The following KALRN variants were observed in gnomAD, a reference collection of about 807,000 sequenced individuals.
The protein encoded by KALRN is kalirin RhoGEF kinase, also known as kalirin.
Under a neutral mutation model 353.7 loss-of-function variants are expected in KALRN, and 70 were observed. The observed-to-expected ratio is 0.20, with a 90% CI of 0.16 to 0.24. KALRN has a LOEUF of 0.24. KALRN is among the 10% of genes least tolerant of loss of function. The probability of loss-of-function intolerance (pLI) is 1.00; values close to 1 mark genes in which losing one functional copy is unlikely to be tolerated. For synonymous variants in KALRN, 1,391 were observed against 1,434.8 expected (o/e 0.97, Z 0.69); for missense variants, 2,791 against 3,756.7 (o/e 0.74, Z 6.72).
chr3:124,717,181 C>T, intron 58 of KALRN, 66 bp from the exon 59 acceptor site: 1 of 1,441,038 alleles, frequency 6.9e-7, no homozygotes, highest in Non-Finnish European at 9.4e-7. Context: ...CTGATTTGTA[C>T]ATGTGTTATT....
At chr3:124,637,071 C>G in intron 36 of KALRN, 137 bp from the exon 37 acceptor site, 1 of 705,322 alleles carries the variant, frequency 1.4e-6, no homozygotes, top group South Asian at 1.6e-5. Flanking sequence ...TCTTCTCCCT[C>G]TGTCACCTCT....
At chr3:124,273,576 GCCATA>G (rs1418535012) in intron 5 of KALRN, among the ~76,000 whole-genome samples, 1 of 152,280 alleles carries the variant, frequency 6.6e-6, no homozygotes, top group African/African-American at 2.4e-5. Context: ...AATAGACATA[GCCATA>G]CCTCCAAAAG....
intron 37 of KALRN, among the ~76,000 whole-genome samples, chr3:124,643,490 C>T (rs1408537930): frequency 2.6e-5 from 4 of 152,162 alleles, no homozygotes; most frequent in Admixed American, 6.5e-5. Flanking sequence ...TGTTGTTGTT[C>T]GGTTTTTTTG....
At chr3:124,515,003 T>C (rs983230090) in intron 33 of KALRN, among the ~76,000 whole-genome samples, 2 of 152,226 alleles carry the variant, frequency 1.3e-5, no homozygotes, top group South Asian at 2.1e-4. Flanking sequence ...CCTGCCTCCA[T>C]GGTTTTCTAA....
chr3:124,540,071 G>A (rs1199324448), intron 33 of KALRN, among the ~76,000 whole-genome samples: 2 of 151,868 alleles, frequency 1.3e-5, no homozygotes, highest in Non-Finnish European at 2.9e-5. Flanking sequence ...CACCACACCC[G>A]GCTAATTTTT....
chr3:124,202,910 C>T (rs1230368397), intron 1 of KALRN, among the ~76,000 whole-genome samples: 1 of 152,164 alleles, frequency 6.6e-6, no homozygotes, highest in Non-Finnish European at 1.5e-5. Context: ...CTGTCTGCAT[C>T]TCATTTGCAG....
chr3:124,567,832 G>A (rs142190607), intron 34 of KALRN, among the ~76,000 whole-genome samples: 107 of 152,192 alleles, frequency 7.0e-4, no homozygotes, highest in Middle Eastern at 3.4e-3. Flanking sequence ...AAAATTAGCC[G>A]GGCATAGTGG....
At chr3:124,470,619 A>C (rs1337969542) in intron 25 of KALRN, among the ~76,000 whole-genome samples, 1 of 152,192 alleles carries the variant, frequency 6.6e-6, no homozygotes, top group Non-Finnish European at 1.5e-5. Context: ...AGCATCCTGG[A>C]ATCTAGGACA....
intron 25 of KALRN, among the ~76,000 whole-genome samples, chr3:124,471,258 TA>T (rs1553992446): frequency 5.1e-4 from 28 of 55,212 alleles, no homozygotes; most frequent in Middle Eastern, 6.5e-3. Flanking sequence ...CACAAAGTTT[TA>T]TTATTATTAT....
chr3:124,396,283 A>G (rs2090148005), intron 12 of KALRN, among the ~76,000 whole-genome samples: 2 of 152,154 alleles, frequency 1.3e-5, no homozygotes, highest in African/African-American at 4.8e-5. Flanking sequence ...CCAGTTGTCC[A>G]ATTAAATAAA....
At chr3:124,178,205 C>G (rs1475370413) in intron 1 of KALRN, among the ~76,000 whole-genome samples, 1 of 152,206 alleles carries the variant, frequency 6.6e-6, no homozygotes, top group Admixed American at 6.5e-5. Context: ...GCGGGTGATA[C>G]TTTCCAAGAA....
intron 28 of KALRN, among the ~76,000 whole-genome samples, chr3:124,487,466 T>G (rs1206003036): frequency 2.6e-5 from 4 of 152,208 alleles, no homozygotes; most frequent in African/African-American, 9.7e-5. Flanking sequence ...GTGGATAAAG[T>G]GCCAGACTTG....
At chr3:124,251,046 T>A (rs1313179680) in intron 3 of KALRN, among the ~76,000 whole-genome samples, 1 of 152,154 alleles carries the variant, frequency 6.6e-6, no homozygotes, top group East Asian at 1.9e-4. Flanking sequence ...TGGCTAAGAG[T>A]AGCTCCTTCC....
intron 34 of KALRN, among the ~76,000 whole-genome samples, chr3:124,622,959 T>C (rs10512628): frequency 0.43 from 65,841 of 151,896 alleles, 14,533 homozygotes; most frequent in Middle Eastern, 0.57. Context: ...TTGAAGTAAG[T>C]ATGAGTTGAA....
intron 1 of KALRN, among the ~76,000 whole-genome samples, chr3:124,198,623 A>T (rs558466445): frequency 7.9e-4 from 120 of 152,182 alleles, no homozygotes; most frequent in Non-Finnish European, 1.5e-3. Flanking sequence ...CATCCTCTTG[A>T]TAAGGAGTTC....
At chr3:124,543,874 A>C (rs2069336054) in intron 33 of KALRN, among the ~76,000 whole-genome samples, 1 of 152,204 alleles carries the variant, frequency 6.6e-6, no homozygotes, top group Admixed American at 6.5e-5. Flanking sequence ...AGGGTGCATT[A>C]GATTCTGACT....
At chr3:124,455,722 T>C (rs902840031) in intron 22 of KALRN, among the ~76,000 whole-genome samples, 1 of 152,198 alleles carries the variant, frequency 6.6e-6, no homozygotes, top group African/African-American at 2.4e-5. Context: ...AATCAGCAAA[T>C]GATTAGAGTC....
rs7340614 is a variant in KALRN, at chr3:124,334,545, C to G, written c.1647+50C>G. 1.5e-6 allele frequency: 2 copies of G among 1,347,430 alleles called. No homozygotes were observed. Among genetic ancestry groups the G allele is most frequent in the African/African-American group, 1.4e-5 (1 of 69,248 alleles). The allele number at this position is 1,347,430 out of a possible 1,614,324, so 83.5% of individuals were successfully genotyped here. A position where few individuals can be genotyped will look rare whatever the true frequency, so the allele number is the denominator to read the frequency against. On this transcript the variant is annotated intron_variant, in intron 9 of 59. Coordinates refer to ENST00000682506, the MANE Select transcript of KALRN (RefSeq NM_001388419.1). The surrounding 1 kb of genome is among the most constrained non-coding windows in gnomAD (Gnocchi z 4.2). Reference sequence around the variant, plus strand: ...CCATTATCCATTCTAGGAGGCAGACCGAGCTCAAGTCCCTGACCTAGGTGA... The same window carrying G: ...CCATTATCCATTCTAGGAGGCAGACGGAGCTCAAGTCCCTGACCTAGGTGA...
At chr3:124,397,862 GC>G (rs1324630156) in intron 12 of KALRN, among the ~76,000 whole-genome samples, 2 of 152,170 alleles carry the variant, frequency 1.3e-5, no homozygotes, top group African/African-American at 4.8e-5. Flanking sequence ...TTAGGATCTA[GC>G]CTTTACTCTC....
Sources: allele counts gnomAD v4.1 joint callset (sites outside exome capture counted in the v4.1 genomes callset), GRCh38; gene constraint gnomAD v4.1.1; non-coding constraint Gnocchi (gnomAD v3.1); transcripts MANE v1.5; gene names NCBI Gene and HGNC (gene_info 2026-07-23, HGNC 2026-07-21).